Variants in MED28 observed in about 807,000 individuals in gnomAD.
MED28 encodes the protein mediator complex subunit 28.
In MED28, 26 loss-of-function variants were observed where a neutral mutation model predicts 21.3. The observed-to-expected ratio is 1.22, with a 90% CI of 0.89 to 1.69. The LOEUF is 1.69. Among genes scored for constraint, MED28 ranks in the 40% most tolerant of loss-of-function variants. MED28 has a pLI of 0.00. For missense variants in MED28, 257 were observed against 215.4 expected, an observed-to-expected ratio of 1.19 and a Z score of -1.21; for synonymous variants, 110 against 87.6, an observed-to-expected ratio of 1.26 and a Z score of -1.43.
intron 3 of MED28, among the ~76,000 whole-genome samples, chr4:17,622,236 CCCAT>C (rs1560158041): frequency 6.6e-6 from 1 of 152,110 alleles, no homozygotes; most frequent in African/African-American, 2.4e-5. Flanking sequence ...CAGGACCTGC[CCCAT>C]GTGATGTGGA....
chr4:17,618,013 C>CTTTTTTTTTTT (rs529883796), intron 1 of MED28, among the ~76,000 whole-genome samples: 19 of 117,906 alleles, frequency 1.6e-4, no homozygotes, highest in South Asian at 2.8e-4. Flanking sequence ...CTTTTCTTTT[C>CTTTTTTTTTTT]TTTTTTTTTT....
rs990236151 is a variant in MED28 at position 17,628,892 on chromosome 4, CTG to C, written c.*5097_*5098del. 6.6e-6 allele frequency: 1 copy of C among 152,278 alleles called. No individual in the cohort carries two copies. The highest frequency in any genetic ancestry group is 6.5e-5 in the Admixed American group (1 of 15,270). The allele number at this position is 152,278 out of a possible 1,614,324, so 9.4% of individuals were successfully genotyped here. A position where few individuals can be genotyped will look rare whatever the true frequency, so the allele number is the denominator to read the frequency against. ...GTGGAGGGGAATGGGAGGAGTCAAA[CTG>C]TGGAAGATAAGAGGAGTACTGCACA... On this transcript the variant is annotated 3_prime_UTR_variant, in exon 4 of 4. Coordinates refer to ENST00000237380, the MANE Select transcript of MED28 (RefSeq NM_025205.5).
intron 1 of MED28, among the ~76,000 whole-genome samples, chr4:17,618,936 T>G (rs1714537091): frequency 6.6e-6 from 1 of 152,228 alleles, no homozygotes; most frequent in Admixed American, 6.5e-5. Context: ...GCAGGCAGAA[T>G]TTTTGCTCGT....
rs375844975 is a variant in MED28, at chr4:17,632,569, G to A, written c.*8771G>A. On this transcript the variant is annotated 3_prime_UTR_variant, in exon 4 of 4. Transcript: ENST00000237380. Reference sequence around the variant, plus strand: ...GTACTTGGTGAACCATTCCTGGTGCGGAGAGCCCTGTTTCTGCTGGACTTC... The same window carrying A: ...GTACTTGGTGAACCATTCCTGGTGCAGAGAGCCCTGTTTCTGCTGGACTTC... 1.4e-5 allele frequency: 21 copies of A among 1,551,252 alleles called. No homozygotes were observed. Among genetic ancestry groups the A allele is most frequent in the East Asian group, 7.3e-5 (3 of 40,924 alleles).
Position 17,625,072 on chromosome 4 carries a change from C to T in MED28, c.*1274C>T, listed in dbSNP as rs1714740182. On this transcript the variant is annotated 3_prime_UTR_variant, in exon 4 of 4. Transcript: ENST00000237380. ...CTTCCCACATGGACTGACATCCACT[C>T]ATGTGCCTGATCCCTGAAGCCTCCC... is the stretch of plus-strand genomic sequence containing the variant. 1 of 152,268 alleles carries T rather than the reference C, an allele frequency of 6.6e-6. No homozygotes were observed. Among genetic ancestry groups the T allele is most frequent in the African/African-American group, 2.4e-5 (1 of 41,412 alleles). 9.4% of individuals were successfully genotyped at this position (152,268 alleles called of 1,614,324 possible).
At position 17,630,910 on chromosome 4, in the gene MED28, C is replaced by CA. The variant is rs1375096920; in HGVS notation, c.*7115dup. 2 of 152,090 alleles carry CA rather than the reference C, an allele frequency of 1.3e-5. No individual in the cohort carries two copies. Among genetic ancestry groups the CA allele is most frequent in the African/African-American group, 2.4e-5 (1 of 41,384 alleles). 9.4% of individuals were successfully genotyped at this position (152,090 alleles called of 1,614,324 possible). ...CAACCATTTTTATTGCCCAGTTATT[C>CA]AAAGTTTTATTCAAAGAGCAAAGAT... On this transcript the variant is annotated 3_prime_UTR_variant, in exon 4 of 4. Coordinates refer to ENST00000237380, the MANE Select transcript of MED28 (RefSeq NM_025205.5).
At position 17,630,169 on chromosome 4, in the gene MED28, A is replaced by G. The variant is rs1286009503; in HGVS notation, c.*6371A>G. 6.6e-6 allele frequency: 1 copy of G among 152,188 alleles called. No homozygotes were observed. Among genetic ancestry groups the G allele is most frequent in the African/African-American group, 2.4e-5 (1 of 41,448 alleles). The allele number at this position is 152,188 out of a possible 1,614,324, so 9.4% of individuals were successfully genotyped here. On this transcript the variant is annotated 3_prime_UTR_variant, in exon 4 of 4. Transcript: ENST00000237380. ...CAGAAATGCAAAGTGCAGCCTGGGA[A>G]AGTGTTTCAACACACAAAAATAGAA...
intron 3 of MED28, 104 bp from the exon 4 acceptor site, chr4:17,623,497 T>G: frequency 9.0e-7 from 1 of 1,114,218 alleles, no homozygotes; most frequent in Non-Finnish European, 1.3e-6. Flanking sequence ...TTAATATGGT[T>G]TAATGGATTC....
Position 17,633,631 on chromosome 4 carries a change from T to TC in MED28, c.*9837dup. The TC allele has an allele frequency of 1.5e-6, 2 of 1,363,636 alleles. No homozygotes were observed. The highest frequency in any genetic ancestry group is 1.9e-6 in the Non-Finnish European group (2 of 1,044,540). 84.5% of individuals were successfully genotyped at this position (1,363,636 alleles called of 1,614,324 possible). On this transcript the variant is annotated 3_prime_UTR_variant, in exon 4 of 4. Transcript: ENST00000237380. The stretch of plus-strand genomic sequence containing the variant: ...ACCAGGTGCTAGAAAGAATCCTACT[T>TC]CCCCTCTTATCTACAGGGAAATAGA...
Position 17,619,962 on chromosome 4 carries a change from G to A in MED28, c.221G>A (p.Arg74Gln), listed in dbSNP as rs773372341. The change falls in exon 2 of 4, where the codon CGA (arginine) becomes CAA (glutamine). Residue 74 changes from arginine to glutamine, a missense_variant. Coordinates refer to ENST00000237380, the MANE Select transcript of MED28 (RefSeq NM_025205.5). ...AATGGCACCGATCAGGAAGAAATTC[G>A]AACCGGTAAGCATTCCCTCTGTGTA... ...YVNGTDQEEI[R>Q]TGVDQCIQKF... is the part of the protein sequence containing the mutation. 1.9e-6 allele frequency: 3 copies of A among 1,613,856 alleles called. No individual in the cohort carries two copies. The highest frequency in any genetic ancestry group is 1.7e-6 in the Non-Finnish European group (2 of 1,179,740).
chr4:17,623,787 A>T lies in MED28; in HGVS notation c.526A>T (p.Lys176Ter), dbSNP rs1360494168. Residue 176 changes from lysine to a stop codon, truncating the protein, a stop_gained, in exon 4 of 4, where the codon AAG becomes TAG. Transcript: ENST00000237380. LOFTEE classifies it high-confidence loss of function. ...QASANIPAPL[K>*]PT ...ATCTGCCAACATCCCTGCACCTCTG[A>T]AGCCAACGTGAGCAAAGGGCAGAGG... 1 of 1,613,596 alleles carries T rather than the reference A, an allele frequency of 6.2e-7. No individual in the cohort carries two copies. The highest frequency in any genetic ancestry group is 8.5e-7 in the Non-Finnish European group (1 of 1,179,810).
At position 17,621,170 on chromosome 4, in the gene MED28, C is replaced by T. The variant is rs138982575; in HGVS notation, c.227-417C>T. 9.6e-3 allele frequency among the ~76,000 whole-genome samples: 1,464 copies of T among 152,112 alleles called. 14 individuals are homozygous for T. The highest frequency in any genetic ancestry group is 0.017 in the Middle Eastern group (5 of 292). On this transcript the variant is annotated intron_variant, in intron 2 of 3. Coordinates refer to ENST00000237380, the MANE Select transcript of MED28 (RefSeq NM_025205.5). The stretch of plus-strand genomic sequence containing the variant: ...GCTGGATTACAGGCATGTTCCACCA[C>T]GCCCAGCTAATTTTTGTATTTTTAG...
chr4:17,619,547 C>T (rs191573618), intron 1 of MED28, among the ~76,000 whole-genome samples: 20 of 152,196 alleles, frequency 1.3e-4, no homozygotes, highest in African/African-American at 4.6e-4. Context: ...GAAGATTGTC[C>T]TGAGTCCTGA....
At position 17,619,982 on chromosome 4, in the gene MED28, T is replaced by C. The variant is rs565965214; in HGVS notation, c.226+15T>C. 2 of 1,610,804 alleles carry C rather than the reference T, an allele frequency of 1.2e-6. No homozygotes were observed. The highest frequency in any genetic ancestry group is 1.3e-5 in the African/African-American group (1 of 74,996). On this transcript the variant is annotated intron_variant, in intron 2 of 3. Transcript: ENST00000237380. Reference sequence around the variant, plus strand: ...AATTCGAACCGGTAAGCATTCCCTCTGTGTACACAATGTTCTGGGCTTCAG... The same window carrying C: ...AATTCGAACCGGTAAGCATTCCCTCCGTGTACACAATGTTCTGGGCTTCAG...
intron 2 of MED28, chr4:17,620,204 A>C (rs1577231908): frequency 4.9e-5 from 26 of 527,746 alleles, no homozygotes; most frequent in South Asian, 4.2e-4. Flanking sequence ...GTAAAGAAGA[A>C]GACCAATAGT....
At position 17,629,733 on chromosome 4, in the gene MED28, T is replaced by C. The variant is rs1714870598; in HGVS notation, c.*5935T>C. 1 of 152,212 alleles carries C rather than the reference T, an allele frequency of 6.6e-6. No homozygotes were observed. Among genetic ancestry groups the C allele is most frequent in the South Asian group, 2.1e-4 (1 of 4,828 alleles). 9.4% of individuals were successfully genotyped at this position (152,212 alleles called of 1,614,324 possible). On this transcript the variant is annotated 3_prime_UTR_variant, in exon 4 of 4. Transcript: ENST00000237380. The stretch of plus-strand genomic sequence containing the variant: ...CATCACTGTCATCTCTAGACCGCTC[T>C]GCTGTTGAGAGATTGATGGAATCAT...
intron 1 of MED28, among the ~76,000 whole-genome samples, chr4:17,618,174 A>G (rs907106398): frequency 1.3e-5 from 2 of 151,600 alleles, no homozygotes; most frequent in Non-Finnish European, 2.9e-5. Flanking sequence ...ACTACGCCTG[A>G]CTAATTTTTG....
In MED28 at chr4:17,633,431, G is replaced by C. The variant is rs956644010; in HGVS notation, c.*9633G>C. Reference sequence around the variant, plus strand: ...GCAAGGTATATGGAGACCTGGAGAGGTCAAGTGACCTGTCCAAGGCCACAG... The same window carrying C: ...GCAAGGTATATGGAGACCTGGAGAGCTCAAGTGACCTGTCCAAGGCCACAG... On this transcript the variant is annotated 3_prime_UTR_variant, in exon 4 of 4. Coordinates refer to ENST00000237380, the MANE Select transcript of MED28 (RefSeq NM_025205.5). The C allele has an allele frequency of 2.9e-6, 1 of 343,210 alleles. No individual in the cohort carries two copies. Among genetic ancestry groups the C allele is most frequent in the Non-Finnish European group, 5.2e-6 (1 of 191,074 alleles). The allele number at this position is 343,210 out of a possible 1,614,324, so 21.3% of individuals were successfully genotyped here.
In MED28 at chr4:17,625,436, C is replaced by T. The variant is rs541538506; in HGVS notation, c.*1638C>T. 25 of 249,848 alleles carry T rather than the reference C, an allele frequency of 1.0e-4. No individual in the cohort carries two copies. Among genetic ancestry groups the T allele is most frequent in the Middle Eastern group, 1.5e-3 (1 of 664 alleles). 15.5% of individuals were successfully genotyped at this position (249,848 alleles called of 1,614,324 possible). A position where few individuals can be genotyped will look rare whatever the true frequency, so the allele number is the denominator to read the frequency against. ...CCTGGTCACTCATGGTAATTAGAAA[C>T]TCTGATTGGCAGCTTTGTATTTCTT... On this transcript the variant is annotated 3_prime_UTR_variant, in exon 4 of 4. Coordinates refer to ENST00000237380, the MANE Select transcript of MED28 (RefSeq NM_025205.5).
Sources: allele counts gnomAD v4.1 joint callset (sites outside exome capture counted in the v4.1 genomes callset), GRCh38; gene constraint gnomAD v4.1.1; transcripts MANE v1.5; gene names NCBI Gene and HGNC (gene_info 2026-07-23, HGNC 2026-07-21).